The following MRTFA variants were observed in gnomAD, a reference collection of about 807,000 sequenced individuals.
MRTFA encodes the protein myocardin related transcription factor A.
MRTFA carries 20 observed loss-of-function variants against 83.5 expected under a neutral mutation model. The ratio of observed to expected loss-of-function variants is 0.24; its 90% confidence interval spans 0.17 to 0.35. MRTFA has a LOEUF of 0.35. Ranked by LOEUF, MRTFA falls within the 10% of genes least tolerant of loss-of-function variation. The pLI is 1.00. For missense variants in MRTFA, 1,200 were observed against 1,224.7 expected, an observed-to-expected ratio of 0.98 and a Z score of 0.30; for synonymous variants, 659 against 541.2, an observed-to-expected ratio of 1.22 and a Z score of -3.02.
chr22:40,521,398 A>G (rs1287587562), intron 3 of MRTFA, among the ~76,000 whole-genome samples: 2 of 152,168 alleles, frequency 1.3e-5, no homozygotes, highest in Non-Finnish European at 2.9e-5. Context: ...TTTCACTCAG[A>G]GTAATTCTCA....
chr22:40,436,731 T>G (rs1343088313), intron 4 of MRTFA, among the ~76,000 whole-genome samples: 1 of 152,120 alleles, frequency 6.6e-6, no homozygotes, highest in African/African-American at 2.4e-5. Flanking sequence ...ACAGAGGCAA[T>G]AAGAGAGAAA....
intron 3 of MRTFA, among the ~76,000 whole-genome samples, chr22:40,472,421 C>T (rs1387722676): frequency 6.6e-6 from 1 of 152,176 alleles, no homozygotes; most frequent in Non-Finnish European, 1.5e-5. Context: ...GTAGCCTTTC[C>T]TCTGATACTG....
chr22:40,599,553 G>T (rs1299406250), intron 1 of MRTFA, among the ~76,000 whole-genome samples: 1 of 152,008 alleles, frequency 6.6e-6, no homozygotes, highest in African/African-American at 2.4e-5. Context: ...CACTTCTTTG[G>T]AAAGAATGCC....
chr22:40,614,058 C>T (rs534322102), intron 1 of MRTFA, among the ~76,000 whole-genome samples: 3 of 151,710 alleles, frequency 2.0e-5, no homozygotes, highest in South Asian at 2.1e-4. Context: ...AAAAATTAGC[C>T]GGGCATGGTG....
intron 3 of MRTFA, among the ~76,000 whole-genome samples, chr22:40,500,132 T>C (rs567537227): frequency 6.6e-6 from 1 of 151,296 alleles, no homozygotes; most frequent in African/African-American, 2.4e-5. Flanking sequence ...GGTTTCACCA[T>C]GTTGGCCAGG....
intron 1 of MRTFA, among the ~76,000 whole-genome samples, chr22:40,609,032 C>G (rs984588598): frequency 6.6e-6 from 1 of 152,106 alleles, no homozygotes; most frequent in African/African-American, 2.4e-5. Context: ...GTGGCTCATG[C>G]CTATAAACCC....
intron 1 of MRTFA, among the ~76,000 whole-genome samples, chr22:40,605,213 T>C (rs1240780213): frequency 1.3e-5 from 2 of 152,100 alleles, no homozygotes; most frequent in African/African-American, 4.8e-5. Context: ...AGATAAAACA[T>C]GGTCTCTGCT....
chr22:40,464,331 A>C (rs1038817826), intron 3 of MRTFA, among the ~76,000 whole-genome samples: 7 of 150,698 alleles, frequency 4.6e-5, no homozygotes, highest in Admixed American at 1.3e-4. Context: ...AAAAAAAAAA[A>C]ACAACTATCT....
chr22:40,417,253 C>T, intron 13 of MRTFA, 88 bp downstream of exon 13: 1 of 1,531,298 alleles, frequency 6.5e-7, no homozygotes, highest in African/African-American at 1.4e-5. Flanking sequence ...CGCCTGCCCC[C>T]TATTCCTCCG....
intron 3 of MRTFA, among the ~76,000 whole-genome samples, chr22:40,541,648 CTGTGTG>C (rs112837274): frequency 1.2e-4 from 18 of 151,022 alleles, no homozygotes; most frequent in Admixed American, 7.3e-4. Flanking sequence ...TAGCTGATGG[CTGTGTG>C]TGTGTGTGTG....
intron 1 of MRTFA, among the ~76,000 whole-genome samples, chr22:40,629,619 A>C (rs2056619436): frequency 6.6e-6 from 1 of 150,704 alleles, no homozygotes; most frequent in African/African-American, 2.4e-5. Flanking sequence ...ATATACATAT[A>C]CAAAAAATTA....
intron 1 of MRTFA, among the ~76,000 whole-genome samples, chr22:40,597,991 T>C (rs185822949): frequency 3.0e-4 from 46 of 152,314 alleles, no homozygotes; most frequent in African/African-American, 1.1e-3. Flanking sequence ...AGCTCAATCT[T>C]TTAGTCTCAG....
chr22:40,562,453 T>TATCTATAGAGTTCTCAACGAATTGGGTAG (rs2055634393), intron 2 of MRTFA, among the ~76,000 whole-genome samples: 1 of 149,528 alleles, frequency 6.7e-6, no homozygotes, highest in Non-Finnish European at 1.5e-5. Context: ...CTAAGCCCTG[T>TATCTATAGAGTTCTCAACGAATTGGGTAG]CCAAAATCCT....
chr22:40,568,444 A>C (rs942889048), intron 2 of MRTFA, among the ~76,000 whole-genome samples: 1 of 152,224 alleles, frequency 6.6e-6, no homozygotes, highest in Admixed American at 6.5e-5. Context: ...GAATCTTGAC[A>C]ATTTAAATAA....
At chr22:40,619,410 G>A (rs2056492447) in intron 1 of MRTFA, among the ~76,000 whole-genome samples, 2 of 152,292 alleles carry the variant, frequency 1.3e-5, no homozygotes, top group East Asian at 1.9e-4. Context: ...ACAGAAAGAC[G>A]ATCCTCGTTT....
At chr22:40,609,766 G>A (rs953049425) in intron 1 of MRTFA, among the ~76,000 whole-genome samples, 3 of 152,068 alleles carry the variant, frequency 2.0e-5, no homozygotes, top group African/African-American at 7.2e-5. Context: ...GGGCAGCGGA[G>A]GTTGTGGTGA....
At chr22:40,540,158 C>A (rs933853448) in intron 3 of MRTFA, among the ~76,000 whole-genome samples, 11 of 151,192 alleles carry the variant, frequency 7.3e-5, no homozygotes, top group African/African-American at 2.4e-4. Flanking sequence ...GCAATCCTCC[C>A]GCCTCAGCCT....
At chr22:40,566,488 G>A (rs919183518) in intron 2 of MRTFA, among the ~76,000 whole-genome samples, 1 of 151,892 alleles carries the variant, frequency 6.6e-6, no homozygotes, top group African/African-American at 2.4e-5. Flanking sequence ...CCAAAGTGCT[G>A]GGATTACAGG....
At chr22:40,442,384 C>T (rs2053292826) in intron 4 of MRTFA, among the ~76,000 whole-genome samples, 1 of 152,210 alleles carries the variant, frequency 6.6e-6, no homozygotes, top group Non-Finnish European at 1.5e-5. Context: ...TTCTTTCAGG[C>T]AAGCCTGCTG....
Sources: gnomAD v4.1 joint callset for allele counts (sites outside exome capture counted in the v4.1 genomes callset) on GRCh38, gnomAD v4.1.1 for gene constraint, MANE v1.5 for transcripts, NCBI Gene and HGNC (gene_info 2026-07-23, HGNC 2026-07-21) for gene names.